NOCT: variants seen among roughly 807,000 people sequenced by gnomAD.
NOCT encodes CCR4 carbon catabolite repression 4-like.
NOCT carries 18 observed loss-of-function variants against 35.0 expected under a neutral mutation model. The ratio of observed to expected loss-of-function variants is 0.51; its 90% confidence interval spans 0.36 to 0.76. NOCT has a LOEUF of 0.76. Ranked by LOEUF, NOCT falls within the 30% of genes least tolerant of loss-of-function variation. The pLI is 0.01. For synonymous variants in NOCT, 235 were observed against 226.3 expected (o/e 1.04, Z -0.34); for missense variants, 479 against 541.0 (o/e 0.89, Z 1.14).
chr4:139,037,739 C>T (rs1726760208), intron 1 of NOCT, among the ~76,000 whole-genome samples: 1 of 152,046 alleles, frequency 6.6e-6, no homozygotes, highest in South Asian at 2.1e-4. Context: ...GTAAGCAGAT[C>T]TTGGCTGGTA....
chr4:139,028,029 A>G (rs1352886560), intron 1 of NOCT: 1 of 152,144 alleles, frequency 6.6e-6, no homozygotes, highest in East Asian at 1.9e-4. Context: ...ATAGTTTCAT[A>G]TTTCCACTCA....
At chr4:139,027,328 C>G (rs532063606) in intron 1 of NOCT, among the ~76,000 whole-genome samples, 1 of 152,026 alleles carries the variant, frequency 6.6e-6, no homozygotes, top group Non-Finnish European at 1.5e-5. Context: ...GTGCATGCCA[C>G]CATGCCTGGC....
intron 1 of NOCT, among the ~76,000 whole-genome samples, chr4:139,035,862 G>T (rs373238126): frequency 1.3e-5 from 2 of 151,966 alleles, no homozygotes; most frequent in South Asian, 4.1e-4. Flanking sequence ...AGCTTGCCAC[G>T]CATGTTCCTC....
chr4:139,043,510 CT>C (rs1726876105), intron 2 of NOCT, 167 bp downstream of exon 2: 7 of 552,710 alleles, frequency 1.3e-5, no homozygotes, highest in Non-Finnish European at 1.9e-5. Flanking sequence ...AGGGAATCAT[CT>C]GGTTTTCACT....
At chr4:139,034,606 T>C (rs554235906) in intron 1 of NOCT, among the ~76,000 whole-genome samples, 25 of 152,088 alleles carry the variant, frequency 1.6e-4, no homozygotes, top group Non-Finnish European at 3.4e-4. Flanking sequence ...GGTCTTGCTA[T>C]GTCACCCAGG....
In NOCT at chr4:139,015,939, C is replaced by T. The variant is rs1726286922; in HGVS notation, c.-43C>T. The T allele has an allele frequency of 1.5e-6, 2 of 1,302,082 alleles. No individual in the cohort carries two copies. Among genetic ancestry groups the T allele is most frequent in the Non-Finnish European group, 1.9e-6 (2 of 1,028,046 alleles). 80.7% of individuals were successfully genotyped at this position (1,302,082 alleles called of 1,614,324 possible). A position where few individuals can be genotyped will look rare whatever the true frequency, so the allele number is the denominator to read the frequency against. On this transcript the variant is annotated 5_prime_UTR_variant, in exon 1 of 3. Transcript: ENST00000280614. ...TGCCCTCGGCCCCAGCCGGGCTCCG[C>T]TCCTCGGGCGCGCGAGGGGCCGTGG...
In NOCT at chr4:139,043,326, G is replaced by A; in HGVS notation, c.443G>A (p.Trp148Ter). The part of the protein sequence containing the change: ...STHPPIRVMQ[W>*]NILAQALGEG... Reference sequence around the variant, plus strand: ...CACCCACCTATCAGGGTTATGCAATGGAACATCCTCGCCCAAGGTATGCTG... The same window carrying A: ...CACCCACCTATCAGGGTTATGCAATAGAACATCCTCGCCCAAGGTATGCTG... Residue 148 changes from tryptophan (W) to a stop codon, truncating the protein, a stop_gained, in exon 2 of 3, where the codon TGG becomes TAG. Transcript: ENST00000280614. LOFTEE classifies it high-confidence loss of function. The A allele has an allele frequency of 6.2e-7, 1 of 1,613,632 alleles. No individual in the cohort carries two copies. Among genetic ancestry groups the A allele is most frequent in the Non-Finnish European group, 8.5e-7 (1 of 1,179,624 alleles).
Position 139,016,163 on chromosome 4 carries a change from C to T in NOCT, c.182C>T (p.Ser61Phe). The T allele has an allele frequency of 7.9e-7, 1 of 1,263,550 alleles. No individual in the cohort carries two copies. Among genetic ancestry groups the T allele is most frequent in the Non-Finnish European group, 9.9e-7 (1 of 1,008,348 alleles). 78.3% of individuals were successfully genotyped at this position (1,263,550 alleles called of 1,614,324 possible). The change falls in exon 1 of 3, where the codon TCC becomes TTC. Residue 61 changes from serine (S) to phenylalanine (F), a missense_variant. Ser to Phe is a radical substitution (Grantham distance 155). Transcript: ENST00000280614. Reference sequence around the variant, plus strand: ...GCCTCGGGCGCCGCGAGGTCGTGTTCCCGAACAGGTGAGTGCACCCCAGTT... The same window carrying T: ...GCCTCGGGCGCCGCGAGGTCGTGTTTCCGAACAGGTGAGTGCACCCCAGTT... Reference protein sequence around the residue: ...SAASGAARSCSRTVCSMGTGT... With the variant: ...SAASGAARSCFRTVCSMGTGT...
chr4:139,016,283 G>A, intron 1 of NOCT, 112 bp downstream of exon 1: 3 of 659,732 alleles, frequency 4.5e-6, no homozygotes, highest in Non-Finnish European at 6.3e-6. Context: ...CGTGGAGTCT[G>A]GCCTGAAAGT....
intron 1 of NOCT, among the ~76,000 whole-genome samples, chr4:139,022,149 G>T (rs999012196): frequency 6.6e-6 from 1 of 152,194 alleles, no homozygotes; most frequent in South Asian, 2.1e-4. Context: ...GTGTGCCTGG[G>T]CGTTTAGCCT....
chr4:139,018,552 C>T (rs1726357509), intron 1 of NOCT, among the ~76,000 whole-genome samples: 1 of 152,204 alleles, frequency 6.6e-6, no homozygotes, highest in Non-Finnish European at 1.5e-5. Context: ...TTTTCCTGTT[C>T]ATGCATTTTT....
intron 1 of NOCT, 25 bp from the exon 2 acceptor site, chr4:139,043,049 G>A (rs754495731): frequency 4.5e-6 from 7 of 1,571,918 alleles, no homozygotes; most frequent in South Asian, 3.5e-5. Context: ...AGCTGAGTGT[G>A]TAACTGTGAT....
At chr4:139,024,879 C>CGTA (rs1726483601) in intron 1 of NOCT, among the ~76,000 whole-genome samples, 1 of 152,222 alleles carries the variant, frequency 6.6e-6, no homozygotes, top group Non-Finnish European at 1.5e-5. Context: ...ACTGGCATTA[C>CGTA]AGGTGTGAGC....
chr4:139,039,584 TA>T (rs1298234589), intron 1 of NOCT, among the ~76,000 whole-genome samples: 1 of 152,134 alleles, frequency 6.6e-6, no homozygotes, highest in Non-Finnish European at 1.5e-5. Context: ...TTCTCCCTTT[TA>T]TTTTTTTTTA....
chr4:139,021,356 A>G (rs910568506), intron 1 of NOCT, among the ~76,000 whole-genome samples: 1 of 151,770 alleles, frequency 6.6e-6, no homozygotes, highest in African/African-American at 2.4e-5. Context: ...CAGTGGCTCA[A>G]GCCTGTAATC....
At position 139,045,906 on chromosome 4, in the gene NOCT, A is replaced by C. The variant is rs1315727974; in HGVS notation, c.*432A>C. 3 of 153,826 alleles carry C rather than the reference A, an allele frequency of 2.0e-5. No homozygotes were observed. Among genetic ancestry groups the C allele is most frequent in the African/African-American group, 7.2e-5 (3 of 41,554 alleles). 9.5% of individuals were successfully genotyped at this position (153,826 alleles called of 1,614,324 possible). On this transcript the variant is annotated 3_prime_UTR_variant, in exon 3 of 3. Coordinates refer to ENST00000280614, the MANE Select transcript of NOCT (RefSeq NM_012118.4). ...ACTCCCTTTAGTCCCTTTTTCAATT[A>C]AAACCTATGGTGAAAAAGGCGTTTG... is the stretch of plus-strand genomic sequence containing the variant.
chr4:139,017,909 A>G (rs1004638133), intron 1 of NOCT, among the ~76,000 whole-genome samples: 5 of 152,176 alleles, frequency 3.3e-5, no homozygotes, highest in African/African-American at 1.2e-4. Context: ...ATATTTAGGT[A>G]TTTCCCAATC....
chr4:139,033,435 C>G (rs1726663746), intron 1 of NOCT, among the ~76,000 whole-genome samples: 1 of 151,680 alleles, frequency 6.6e-6, no homozygotes, highest in African/African-American at 2.4e-5. Flanking sequence ...CTTTGAGAGG[C>G]TGAGCTGAGA....
intron 1 of NOCT, among the ~76,000 whole-genome samples, chr4:139,036,690 T>A (rs1258493913): frequency 6.6e-6 from 1 of 152,208 alleles, no homozygotes; most frequent in Admixed American, 6.5e-5. Flanking sequence ...AGGGGAAATA[T>A]CAGCACATAT....
Sources: allele counts gnomAD v4.1 joint callset (sites outside exome capture counted in the v4.1 genomes callset), GRCh38; gene constraint gnomAD v4.1.1; transcripts MANE v1.5; gene names NCBI Gene and HGNC (gene_info 2026-07-23, HGNC 2026-07-21).